The following PLXNA4 variants were observed in gnomAD, a reference collection of about 807,000 sequenced individuals.
The protein encoded by PLXNA4 is plexin A4.
In PLXNA4, 44 loss-of-function variants were observed where a neutral mutation model predicts 191.8. The ratio of observed to expected loss-of-function variants is 0.23; its 90% CI spans 0.18 to 0.29. The LOEUF is 0.29. Among genes scored for constraint, PLXNA4 ranks in the 10% least tolerant of loss-of-function variants. PLXNA4 has a pLI of 1.00. For synonymous variants in PLXNA4, 1,082 were observed against 1,009.5 expected (o/e 1.07, Z -1.36); for missense variants, 1,800 against 2,488.8 (o/e 0.72, Z 5.89).
At chr7:132,159,324 C>T in intron 25 of PLXNA4, 149 bp downstream of exon 25, 1 of 1,319,486 alleles carries the variant, frequency 7.6e-7, no homozygotes, top group Non-Finnish European at 1.0e-6. Flanking sequence ...CCCATGGGCT[C>T]CTGCGGGGGT....
chr7:132,481,729 A>G (rs1247526011), intron 3 of PLXNA4, among the ~76,000 whole-genome samples: 2 of 152,184 alleles, frequency 1.3e-5, no homozygotes, highest in African/African-American at 4.8e-5. Context: ...TGGATTCTCC[A>G]TGGCCACACA....
Position 132,132,468 on chromosome 7 carries a change from C to CTGTTCTGCTCTGT in PLXNA4, c.5589+580_5589+581insACAGAGCAGAACA, listed in dbSNP as rs1563048357. Among the ~76,000 whole-genome samples, 14 of 44,562 alleles carry CTGTTCTGCTCTGT rather than the reference C, an allele frequency of 3.1e-4. 1 individual carries two copies. Among genetic ancestry groups the CTGTTCTGCTCTGT allele is most frequent in the African/African-American group, 1.1e-3 (14 of 12,180 alleles). The allele number at this position is 44,562 out of a possible 152,430, so 29.2% of individuals were successfully genotyped here. A position where few individuals can be genotyped will look rare whatever the true frequency, so the allele number is the denominator to read the frequency against. On this transcript the variant is annotated intron_variant, in intron 31 of 31. Transcript: ENST00000321063. ...TTCTGTTCTGTTCTGTTCTGTTCTG[C>CTGTTCTGCTCTGT]TCTGCTCTGCTCTGCTCTGCTCTAT...
intron 9 of PLXNA4, among the ~76,000 whole-genome samples, chr7:132,219,830 C>T (rs1488107775): frequency 1.3e-5 from 2 of 152,016 alleles, no homozygotes; most frequent in African/African-American, 2.4e-5. Flanking sequence ...GTTTAGATAC[C>T]CAAATACTTC....
chr7:132,532,396 C>T (rs760817638), intron 1 of PLXNA4, among the ~76,000 whole-genome samples: 36 of 152,158 alleles, frequency 2.4e-4, no homozygotes, highest in Non-Finnish European at 2.4e-4. Flanking sequence ...TAGAAAGTTT[C>T]CAGGTACAAA....
intron 13 of PLXNA4, among the ~76,000 whole-genome samples, chr7:132,194,473 G>A (rs1432843551): frequency 6.6e-6 from 1 of 152,186 alleles, no homozygotes; most frequent in Non-Finnish European, 1.5e-5. Flanking sequence ...TTGTCAACTA[G>A]ACTGGAGGGC....
chr7:132,143,292 A>G (rs1001633061), intron 29 of PLXNA4, among the ~76,000 whole-genome samples: 1 of 152,138 alleles, frequency 6.6e-6, no homozygotes, highest in African/African-American at 2.4e-5. Flanking sequence ...GAAACTGTCT[A>G]CTTTCTGGGA....
At chr7:132,648,113 A>G (rs554668195) in intron 1 of PLXNA4, among the ~76,000 whole-genome samples, 7 of 152,254 alleles carry the variant, frequency 4.6e-5, no homozygotes, top group Non-Finnish European at 8.8e-5. Context: ...ATATACACAC[A>G]TATGCACTCA....
At chr7:132,612,630 C>T (rs1803073523) in intron 2 of PLXNA4, among the ~76,000 whole-genome samples, 1 of 148,242 alleles carries the variant, frequency 6.7e-6, no homozygotes, top group Non-Finnish European at 1.5e-5. Context: ...CACCACTGTA[C>T]TCCAGCCTGG....
rs10268295 is a variant in PLXNA4 at position 132,182,611 on chromosome 7, T to C, written c.3159-421A>G. Among the ~76,000 whole-genome samples, 1,150 of 152,308 alleles carry C rather than the reference T, an allele frequency of 7.6e-3. 16 individuals carry two copies. The highest frequency in any genetic ancestry group is 0.027 in the African/African-American group (1,108 of 41,566). ...GGCCTCATGAAAGCCTCGCTCCAGATTGTCCCCACCACATCCTGCAGGGGC... is the reference window on the plus strand; with the variant it reads ...GGCCTCATGAAAGCCTCGCTCCAGACTGTCCCCACCACATCCTGCAGGGGC... On this transcript the variant is annotated intron_variant, in intron 16 of 31. Coordinates refer to ENST00000321063, the MANE Select transcript of PLXNA4 (RefSeq NM_020911.2).
At chr7:132,644,750 A>G (rs1803832958) in intron 2 of PLXNA4, among the ~76,000 whole-genome samples, 1 of 152,214 alleles carries the variant, frequency 6.6e-6, no homozygotes, top group African/African-American at 2.4e-5. Context: ...TATGATGTGC[A>G]TGCCCCGTCC....
intron 1 of PLXNA4, among the ~76,000 whole-genome samples, chr7:132,544,331 G>C (rs1800204099): frequency 1.3e-5 from 2 of 152,228 alleles, no homozygotes; most frequent in African/African-American, 4.8e-5. Flanking sequence ...CAATCAGGCA[G>C]GTGGGACAAC....
chr7:132,525,455 C>A (rs1799363659), intron 1 of PLXNA4, among the ~76,000 whole-genome samples: 1 of 152,098 alleles, frequency 6.6e-6, no homozygotes, highest in Admixed American at 6.5e-5. Flanking sequence ...CAGTATATTG[C>A]CCAGGCTGGT....
intron 3 of PLXNA4, chr7:132,384,196 A>G (rs1161578670): frequency 2.0e-6 from 2 of 985,354 alleles, no homozygotes; most frequent in Admixed American, 6.1e-5. Context: ...ACTGTTGTGT[A>G]TCCTCCAGGA....
intron 4 of PLXNA4, among the ~76,000 whole-genome samples, chr7:132,249,112 G>A (rs1327114831): frequency 6.6e-6 from 1 of 152,232 alleles, no homozygotes; most frequent in Non-Finnish European, 1.5e-5. Flanking sequence ...ATGAGGCTTG[G>A]GGAGCTGAGG....
chr7:132,179,071 G>A (rs1041221788), intron 20 of PLXNA4, among the ~76,000 whole-genome samples: 6 of 132,920 alleles, frequency 4.5e-5, no homozygotes, highest in Non-Finnish European at 6.2e-5. Context: ...CTCCAGCACT[G>A]CTCACAGCTG....
intron 3 of PLXNA4, among the ~76,000 whole-genome samples, chr7:132,369,912 CAAA>C (rs531193177): frequency 6.6e-6 from 1 of 151,684 alleles, no homozygotes; most frequent in Admixed American, 6.6e-5. Context: ...ACTAAAAATA[CAAA>C]AAATTAGCCG....
At chr7:132,619,823 C>T (rs570083233) in intron 2 of PLXNA4, among the ~76,000 whole-genome samples, 14 of 152,090 alleles carry the variant, frequency 9.2e-5, no homozygotes, top group South Asian at 8.3e-4. Context: ...GTTTTTGAGA[C>T]GGAGTCTCGC....
intron 3 of PLXNA4, among the ~76,000 whole-genome samples, chr7:132,482,681 G>A (rs892729555): frequency 7.2e-6 from 1 of 139,370 alleles, no homozygotes; most frequent in Non-Finnish European, 1.5e-5. Context: ...AGTGAGTGTG[G>A]GAGCTTCGAG....
At chr7:132,601,580 G>GA (rs1324744164) in intron 2 of PLXNA4, among the ~76,000 whole-genome samples, 3 of 152,190 alleles carry the variant, frequency 2.0e-5, no homozygotes, top group Non-Finnish European at 4.4e-5. Context: ...ATAAGGAGGT[G>GA]ACCTTGGGAA....
Sources: gnomAD v4.1 joint callset for allele counts (sites outside exome capture counted in the v4.1 genomes callset) on GRCh38, gnomAD v4.1.1 for gene constraint, MANE v1.5 for transcripts, NCBI Gene and HGNC (gene_info 2026-07-23, HGNC 2026-07-21) for gene names.